Variants in TIAM1 observed in about 807,000 individuals in gnomAD.
TIAM1 encodes rho guanine nucleotide exchange factor TIAM1.
TIAM1 carries 65 observed loss-of-function variants against 163.5 expected under a neutral mutation model. The observed-to-expected ratio is 0.40, with a 90% CI of 0.33 to 0.49. The LOEUF (loss-of-function observed/expected upper bound fraction) is 0.49, where lower values mean the gene tolerates loss of function less well. Ranked by LOEUF, TIAM1 falls within the 20% of genes least tolerant of loss-of-function variation. TIAM1 has a pLI of 0.77. For synonymous variants in TIAM1, 833 were observed against 810.1 expected (o/e 1.03, Z -0.48); for missense variants, 1,789 against 2,044.7 (o/e 0.87, Z 2.41).
intron 1 of TIAM1, among the ~76,000 whole-genome samples, chr21:31,470,661 T>C (rs1296519721): frequency 1.3e-5 from 2 of 152,158 alleles, no homozygotes; most frequent in Non-Finnish European, 2.9e-5. Context: ...CACAAAATTG[T>C]GTGTATGTGT....
intron 24 of TIAM1, 139 bp from the exon 25 acceptor site, chr21:31,130,454 TGTCC>T: frequency 1.5e-6 from 1 of 656,892 alleles, no homozygotes; most frequent in Non-Finnish European, 2.7e-6. Context: ...CATGAGCTCC[TGTCC>T]ATCCAGCAGG....
chr21:31,233,555 A>C (rs1433872909), intron 6 of TIAM1, among the ~76,000 whole-genome samples: 1 of 152,192 alleles, frequency 6.6e-6, no homozygotes. Flanking sequence ...AAATACAAAA[A>C]TTAGCCAGGT....
chr21:31,281,392 A>G (rs1337306280), intron 2 of TIAM1, among the ~76,000 whole-genome samples: 2 of 152,196 alleles, frequency 1.3e-5, no homozygotes, highest in African/African-American at 4.8e-5. Flanking sequence ...TCAACATGTA[A>G]CACTATAAAC....
At chr21:31,406,377 C>T (rs2077247653) in intron 2 of TIAM1, among the ~76,000 whole-genome samples, 1 of 152,016 alleles carries the variant, frequency 6.6e-6, no homozygotes, top group African/African-American at 2.4e-5. Context: ...CCCTTTAAGA[C>T]CTGAATAATC....
At chr21:31,259,645 A>AATAATAATG (rs930435649) in intron 4 of TIAM1, among the ~76,000 whole-genome samples, 1 of 150,374 alleles carries the variant, frequency 6.7e-6, no homozygotes, top group Admixed American at 6.6e-5. Flanking sequence ...TAATAATAAT[A>AATAATAATG]ATAATAATAA....
intron 8 of TIAM1, 101 bp from the exon 9 acceptor site, chr21:31,217,800 C>T: frequency 6.9e-7 from 1 of 1,445,218 alleles, no homozygotes; most frequent in Non-Finnish European, 9.3e-7. Flanking sequence ...AAACCCTCCT[C>T]CATCATGCCA....
chr21:31,358,711 T>C (rs143587015), intron 2 of TIAM1, among the ~76,000 whole-genome samples: 366 of 152,278 alleles, frequency 2.4e-3, no homozygotes, highest in African/African-American at 8.5e-3. Flanking sequence ...GCTGCCACTA[T>C]AATCCGAGCC....
intron 19 of TIAM1, among the ~76,000 whole-genome samples, chr21:31,151,061 T>C (rs1317337911): frequency 6.6e-6 from 1 of 152,182 alleles, no homozygotes; most frequent in Non-Finnish European, 1.5e-5. Context: ...CCTGTTAGAA[T>C]AGCTAAAAAG....
chr21:31,215,589 A>AAAAAAAAAAG (rs1555893145), intron 9 of TIAM1, among the ~76,000 whole-genome samples: 1 of 147,558 alleles, frequency 6.8e-6, no homozygotes, highest in African/African-American at 2.6e-5. Context: ...AAAAAAAAAA[A>AAAAAAAAAAG]GAAGAGAAAT....
chr21:31,397,554 G>A (rs1362616461), intron 2 of TIAM1, among the ~76,000 whole-genome samples: 1 of 152,134 alleles, frequency 6.6e-6, no homozygotes, highest in Non-Finnish European at 1.5e-5. Context: ...TCAGCTCCTG[G>A]TTTAAGTTGC....
chr21:31,526,993 C>T (rs1404731029), intron 1 of TIAM1, among the ~76,000 whole-genome samples: 2 of 152,108 alleles, frequency 1.3e-5, no homozygotes, highest in African/African-American at 4.8e-5. Flanking sequence ...TGAGCCACCA[C>T]GCCTGGCCAA....
intron 8 of TIAM1, among the ~76,000 whole-genome samples, chr21:31,222,873 A>G (rs917693595): frequency 2.0e-5 from 3 of 151,332 alleles, no homozygotes; most frequent in African/African-American, 7.3e-5. Context: ...GTATGTCACC[A>G]CACCCAGGTA....
intron 1 of TIAM1, among the ~76,000 whole-genome samples, chr21:31,494,792 G>A (rs1039745001): frequency 2.0e-5 from 3 of 152,134 alleles, no homozygotes; most frequent in South Asian, 2.1e-4. Context: ...GCAATAAGCC[G>A]AGATCGCACC....
chr21:31,168,803 A>G (rs750372298), intron 15 of TIAM1, among the ~76,000 whole-genome samples: 1 of 152,172 alleles, frequency 6.6e-6, no homozygotes. Flanking sequence ...CTTAATGATG[A>G]TATCATATAA....
rs546376927 is a variant in TIAM1, at chr21:31,147,968, A to G, written c.3367-965T>C. On this transcript the variant is annotated intron_variant, in intron 19 of 27. Coordinates refer to ENST00000541036, the MANE Select transcript of TIAM1 (RefSeq NM_001353694.2). ...GGTTCCCCAAAGTGCAATTTATCTA[A>G]TGAACAATGCAGAGGATTCTGAGTC... 1.7e-4 allele frequency among the ~76,000 whole-genome samples: 23 copies of G among 139,068 alleles called. 1 individual carries two copies. The East Asian group carries it at 4.6e-3, about 28-fold the overall frequency. The allele number at this position is 139,068 out of a possible 152,430, so 91.2% of individuals were successfully genotyped here. A position where few individuals can be genotyped will look rare whatever the true frequency, so the allele number is the denominator to read the frequency against.
intron 6 of TIAM1, among the ~76,000 whole-genome samples, chr21:31,226,197 C>A (rs1461123455): frequency 1.3e-5 from 2 of 152,214 alleles, no homozygotes. Flanking sequence ...CATGTCTGCT[C>A]ACTCAATGTA....
intron 25 of TIAM1, among the ~76,000 whole-genome samples, chr21:31,129,063 C>T (rs2082313820): frequency 6.6e-6 from 1 of 152,194 alleles, no homozygotes; most frequent in African/African-American, 2.4e-5. Flanking sequence ...CAGGTCTCTA[C>T]CACCAAGGCT....
At chr21:31,426,272 T>C (rs953515531) in intron 2 of TIAM1, among the ~76,000 whole-genome samples, 1 of 152,164 alleles carries the variant, frequency 6.6e-6, no homozygotes, top group African/African-American at 2.4e-5. Flanking sequence ...GGCGTAGCAA[T>C]GAAACTACAT....
At chr21:31,150,697 C>T (rs1264440694) in intron 19 of TIAM1, among the ~76,000 whole-genome samples, 1 of 151,830 alleles carries the variant, frequency 6.6e-6, no homozygotes, top group East Asian at 1.9e-4. Flanking sequence ...GATAAGACAC[C>T]AAAAGTGTGA....
Sources: gnomAD v4.1 joint callset for allele counts (sites outside exome capture counted in the v4.1 genomes callset) on GRCh38, gnomAD v4.1.1 for gene constraint, MANE v1.5 for transcripts, NCBI Gene and HGNC (gene_info 2026-07-23, HGNC 2026-07-21) for gene names.